The following RARB variants were observed in gnomAD, a reference collection of about 807,000 sequenced individuals.
RARB encodes the protein HBV-activated protein.
In RARB, 17 loss-of-function variants were observed where a neutral mutation model predicts 51.9. The observed-to-expected ratio is 0.33, with a 90% CI of 0.22 to 0.49. The LOEUF is 0.49. RARB is among the 20% of genes least tolerant of loss of function. The pLI is 0.99. For synonymous variants in RARB, 215 were observed against 195.4 expected, an observed-to-expected ratio of 1.10 and a Z score of -0.84; for missense variants, 369 against 550.8, an observed-to-expected ratio of 0.67 and a Z score of 3.30.
At chr3:25,075,954 T>G (rs1026759970) in intron 3 of RARB, among the ~76,000 whole-genome samples, 1 of 152,166 alleles carries the variant, frequency 6.6e-6, no homozygotes, top group Non-Finnish European at 1.5e-5. Flanking sequence ...TGAAAGAGAA[T>G]GCTAGAAAAC....
chr3:25,180,642 C>T (rs1700842591), intron 5 of RARB, among the ~76,000 whole-genome samples: 1 of 152,168 alleles, frequency 6.6e-6, no homozygotes. Context: ...GTGACTTATG[C>T]CTTGTCACTG....
chr3:24,935,957 A>G (rs752963834), intron 2 of RARB, among the ~76,000 whole-genome samples: 1 of 152,128 alleles, frequency 6.6e-6, no homozygotes, highest in Non-Finnish European at 1.5e-5. Context: ...TTGTTTCATG[A>G]TATGTTAGGA....
At chr3:25,118,809 C>T (rs1348234542) in intron 3 of RARB, among the ~76,000 whole-genome samples, 5 of 151,898 alleles carry the variant, frequency 3.3e-5, no homozygotes, top group African/African-American at 1.2e-4. Context: ...CATTTTAGGT[C>T]CATTATAATA....
At chr3:25,203,571 G>A (rs1701452094) in intron 5 of RARB, among the ~76,000 whole-genome samples, 1 of 152,174 alleles carries the variant, frequency 6.6e-6, no homozygotes, top group South Asian at 2.1e-4. Flanking sequence ...GGCTGGTACT[G>A]GTTGTTCCTT....
At chr3:25,057,421 C>G (rs562264010) in intron 2 of RARB, among the ~76,000 whole-genome samples, 2 of 152,008 alleles carry the variant, frequency 1.3e-5, no homozygotes, top group Admixed American at 6.6e-5. Flanking sequence ...AAACAAAATA[C>G]TTGTCCTTGA....
intron 5 of RARB, among the ~76,000 whole-genome samples, chr3:25,255,007 G>A (rs1268228356): frequency 6.6e-6 from 1 of 152,104 alleles, no homozygotes; most frequent in Non-Finnish European, 1.5e-5. Context: ...AAAAATATTA[G>A]CATTCTTGTA....
intron 1 of RARB, among the ~76,000 whole-genome samples, chr3:24,855,833 G>A (rs1361555477): frequency 6.9e-6 from 1 of 144,238 alleles, no homozygotes; most frequent in Non-Finnish European, 1.5e-5. Context: ...CTCACTGCAA[G>A]CTCCGCGTCC....
At chr3:25,106,021 C>T (rs757604952) in intron 3 of RARB, among the ~76,000 whole-genome samples, 1 of 152,126 alleles carries the variant, frequency 6.6e-6, no homozygotes, top group Non-Finnish European at 1.5e-5. Context: ...GCAGTAGCTA[C>T]CCCAGAATGA....
chr3:24,908,717 A>G (rs1694926651), intron 2 of RARB, among the ~76,000 whole-genome samples: 1 of 142,316 alleles, frequency 7.0e-6, no homozygotes, highest in South Asian at 2.2e-4. Flanking sequence ...CACATCATAC[A>G]GAAGGTCTAG....
chr3:25,460,470 C>T (rs866401732), intron 1 of RARB, among the ~76,000 whole-genome samples: 13 of 97,260 alleles, frequency 1.3e-4, no homozygotes, highest in South Asian at 3.3e-4. Flanking sequence ...ATTTTTGAGA[C>T]GGAGTCTTGC....
At chr3:24,973,879 G>C (rs1036934541) in intron 2 of RARB, among the ~76,000 whole-genome samples, 5 of 151,966 alleles carry the variant, frequency 3.3e-5, no homozygotes, top group African/African-American at 1.2e-4. Flanking sequence ...TAAAATGTAA[G>C]ATTATGTCAT....
At chr3:25,277,476 G>A (rs1362025049) in intron 5 of RARB, among the ~76,000 whole-genome samples, 1 of 152,180 alleles carries the variant, frequency 6.6e-6, no homozygotes, top group Non-Finnish European at 1.5e-5. Flanking sequence ...ACATCCCAAA[G>A]TAGTGGTTCT....
In RARB at chr3:25,257,331, G is replaced by A. The variant is rs112270285; in HGVS notation, c.178+82756G>A. ...CAGCACAGAGGAGTGAGAGTAGAATGAAAAGGGAATTGCAAACAGCCTTGC... is the reference window on the plus strand; with the variant it reads ...CAGCACAGAGGAGTGAGAGTAGAATAAAAAGGGAATTGCAAACAGCCTTGC... On this transcript the variant is annotated intron_variant, in intron 5 of 11. Coordinates refer to the RARB transcript ENST00000383772. 2.8e-3 allele frequency among the ~76,000 whole-genome samples: 420 copies of A among 152,148 alleles called. 2 individuals carry two copies. Among genetic ancestry groups the A allele is most frequent in the African/African-American group, 9.8e-3 (405 of 41,518 alleles).
chr3:24,974,099 G>A (rs1344329175), intron 2 of RARB, among the ~76,000 whole-genome samples: 1 of 151,838 alleles, frequency 6.6e-6, no homozygotes, highest in Non-Finnish European at 1.5e-5. Flanking sequence ...GTCATATATG[G>A]CCCTTATTAT....
chr3:25,481,705 A>C (rs1369763102), intron 2 of RARB, among the ~76,000 whole-genome samples: 2 of 152,270 alleles, frequency 1.3e-5, no homozygotes, highest in East Asian at 3.9e-4. Flanking sequence ...CTTCACCTAC[A>C]TCCAACTTAC....
chr3:25,504,639 C>T (rs1270716023), intron 3 of RARB, among the ~76,000 whole-genome samples: 1 of 152,036 alleles, frequency 6.6e-6, no homozygotes, highest in Non-Finnish European at 1.5e-5. Context: ...TCCCACAGTG[C>T]TGTTCCCAAG....
At chr3:25,015,100 G>T (rs1451493856) in intron 2 of RARB, among the ~76,000 whole-genome samples, 1 of 152,144 alleles carries the variant, frequency 6.6e-6, no homozygotes, top group Non-Finnish European at 1.5e-5. Flanking sequence ...GGCTTTGAGT[G>T]TCTGTGTATA....
At chr3:25,285,960 T>C (rs9844376) in intron 5 of RARB, among the ~76,000 whole-genome samples, 5,731 of 152,178 alleles carry the variant, frequency 0.038, 361 homozygotes, top group African/African-American at 0.13. Flanking sequence ...ACTCAAAAAA[T>C]TGTTAAACCC....
At chr3:25,561,588 G>A (rs531681582) in intron 3 of RARB, among the ~76,000 whole-genome samples, 1 of 152,040 alleles carries the variant, frequency 6.6e-6, no homozygotes, top group South Asian at 2.1e-4. Context: ...GGTCTTGGCT[G>A]GAACAACTGG....
Sources: allele counts gnomAD v4.1 joint callset (sites outside exome capture counted in the v4.1 genomes callset), GRCh38; gene constraint gnomAD v4.1.1; transcripts MANE v1.5; gene names NCBI Gene and HGNC (gene_info 2026-07-23, HGNC 2026-07-21).